Variants in PPP2R2C observed in about 807,000 individuals in gnomAD.
PPP2R2C encodes protein phosphatase 2 regulatory subunit Bgamma, also known as protein phosphatase 2, regulatory subunit B, gamma.
PPP2R2C carries 10 observed loss-of-function variants against 45.3 expected under a neutral mutation model. The ratio of observed to expected loss-of-function variants is 0.22; its 90% CI spans 0.14 to 0.37. PPP2R2C has a LOEUF of 0.37. Ranked by LOEUF, PPP2R2C falls within the 10% of genes least tolerant of loss-of-function variation. The probability of loss-of-function intolerance (pLI) is 1.00; values close to 1 mark genes in which losing one functional copy is unlikely to be tolerated. For synonymous variants in PPP2R2C, 257 were observed against 245.4 expected (o/e 1.05, Z -0.44); for missense variants, 308 against 619.7 (o/e 0.50, Z 5.34).
rs754747800 is a variant in PPP2R2C at position 6,323,507 on chromosome 4, T to C, written c.1139A>G (p.Glu380Gly). ...GAGCACAGCCCGGGGCTTGCTGCTTTCCCTCGAGGCCTCCAGGGTCACGTC... is the reference window on the plus strand; with the variant it reads ...GAGCACAGCCCGGGGCTTGCTGCTTCCCCTCGAGGCCTCCAGGGTCACGTC... ...KRDVTLEASR[E>G]SSKPRAVLKP... The change falls in exon 9 of 9, where the codon GAA becomes GGA. Residue 380 changes from glutamate (E) to glycine (G), a missense_variant. Transcript: ENST00000382599. 1 of 1,606,888 alleles carries C rather than the reference T, an allele frequency of 6.2e-7. No homozygotes were observed. Among genetic ancestry groups the C allele is most frequent in the South Asian group, 1.1e-5 (1 of 90,916 alleles).
In PPP2R2C at chr4:6,490,620, G is replaced by A. The variant is rs116504520; in HGVS notation, c.49+44651C>T. Among the ~76,000 whole-genome samples, 723 of 152,266 alleles carry A rather than the reference G, an allele frequency of 4.7e-3. 1 individual carries two copies. Among genetic ancestry groups the A allele is most frequent in the African/African-American group, 0.016 (679 of 41,558 alleles). Reference sequence around the variant, plus strand: ...GACAGAGGAATGGGGAAACATGACTGCAAACCACATCAGCCACATCCCCTA... The same window carrying A: ...GACAGAGGAATGGGGAAACATGACTACAAACCACATCAGCCACATCCCCTA... On this transcript the variant is annotated intron_variant, in intron 2 of 9. Transcript: ENST00000506140.
chr4:6,479,421 C>A, intron 2 of PPP2R2C, among the ~76,000 whole-genome samples: 1 of 150,670 alleles, frequency 6.6e-6, no homozygotes, highest in Non-Finnish European at 1.5e-5. Flanking sequence ...CCACCCCACC[C>A]ACAACCCAGG....
At chr4:6,518,922 T>TAAAAAAAAA (rs56002128) in intron 2 of PPP2R2C, among the ~76,000 whole-genome samples, 16 of 92,920 alleles carry the variant, frequency 1.7e-4, no homozygotes, top group African/African-American at 5.6e-4. Context: ...GACTCTGTCT[T>TAAAAAAAAA]AAAAAAAAAA....
chr4:6,326,087 C>A (rs1731917550), intron 8 of PPP2R2C, among the ~76,000 whole-genome samples: 1 of 152,236 alleles, frequency 6.6e-6, no homozygotes, highest in Admixed American at 6.5e-5. Flanking sequence ...TATCCCTGTC[C>A]ATGCTGATTG....
intron 6 of PPP2R2C, among the ~76,000 whole-genome samples, chr4:6,337,128 A>G (rs1287148623): frequency 0.045 from 2,229 of 49,194 alleles, 246 homozygotes; most frequent in African/African-American, 0.19. Context: ...ATATATATAT[A>G]TATATATATA....
chr4:6,470,811 C>T (rs1173236646), intron 1 of PPP2R2C, among the ~76,000 whole-genome samples: 1 of 152,098 alleles, frequency 6.6e-6, no homozygotes, highest in South Asian at 2.1e-4. Flanking sequence ...CCGGGCAGCC[C>T]TGCCCCTCTC....
At chr4:6,468,859 T>C (rs1721715193) in intron 1 of PPP2R2C, among the ~76,000 whole-genome samples, 1 of 151,786 alleles carries the variant, frequency 6.6e-6, no homozygotes, top group Admixed American at 6.6e-5. Flanking sequence ...CATATCCAGC[T>C]CTTGAGAAAT....
intron 2 of PPP2R2C, among the ~76,000 whole-genome samples, chr4:6,512,398 G>A (rs1577231597): frequency 8.1e-5 from 8 of 98,192 alleles, no homozygotes; most frequent in East Asian, 3.4e-4. Flanking sequence ...GATGGTGGTG[G>A]TGGTGATGGT....
At chr4:6,545,068 G>C (rs1159606958) in intron 1 of PPP2R2C, among the ~76,000 whole-genome samples, 2 of 152,120 alleles carry the variant, frequency 1.3e-5, no homozygotes, top group African/African-American at 4.8e-5. Context: ...TTCTCAAAGG[G>C]GTCCCCACAG....
At chr4:6,376,401 G>A (rs1195631659) in intron 3 of PPP2R2C, among the ~76,000 whole-genome samples, 2 of 151,416 alleles carry the variant, frequency 1.3e-5, no homozygotes, top group African/African-American at 4.9e-5. Context: ...AGTGTAGGGA[G>A]TGCTGAAAGA....
intron 2 of PPP2R2C, chr4:6,523,689 T>C (rs1724098721): frequency 6.6e-6 from 1 of 152,218 alleles, no homozygotes; most frequent in Non-Finnish European, 1.5e-5. Context: ...GGAATTATCC[T>C]GTGACCTACC....
intron 1 of PPP2R2C, among the ~76,000 whole-genome samples, chr4:6,469,111 A>T (rs1201306079): frequency 7.0e-6 from 1 of 142,804 alleles, no homozygotes; most frequent in East Asian, 2.0e-4. Context: ...AAAAAATCCA[A>T]CCTGCTCTGA....
At chr4:6,333,229 G>A (rs1051487855) in intron 7 of PPP2R2C, among the ~76,000 whole-genome samples, 1 of 152,150 alleles carries the variant, frequency 6.6e-6, no homozygotes, top group Non-Finnish European at 1.5e-5. Flanking sequence ...AGGGAGTGGG[G>A]AGGGAAGCCA....
chr4:6,547,575 G>A (rs1725029787), intron 1 of PPP2R2C, among the ~76,000 whole-genome samples: 1 of 151,924 alleles, frequency 6.6e-6, no homozygotes, highest in African/African-American at 2.4e-5. Context: ...AACGCTCTGC[G>A]GATTTCTGAT....
intron 1 of PPP2R2C, among the ~76,000 whole-genome samples, chr4:6,441,995 G>A (rs558814020): frequency 1.3e-5 from 2 of 152,338 alleles, no homozygotes; most frequent in African/African-American, 2.4e-5. Flanking sequence ...CTGACCACCT[G>A]GGTCAAGCCT....
chr4:6,360,611 G>A (rs990554805), intron 5 of PPP2R2C, among the ~76,000 whole-genome samples: 1 of 152,296 alleles, frequency 6.6e-6, no homozygotes, highest in Non-Finnish European at 1.5e-5. Flanking sequence ...CGCCGGATGC[G>A]GAGGTGCCCT....
At chr4:6,554,526 C>G (rs2108842421) in intron 1 of PPP2R2C, among the ~76,000 whole-genome samples, 1 of 152,292 alleles carries the variant, frequency 6.6e-6, no homozygotes, top group East Asian at 1.9e-4. Context: ...ACGGCTACAA[C>G]AAGATACCTT....
At chr4:6,479,490 A>C (rs1017169048) in intron 2 of PPP2R2C, among the ~76,000 whole-genome samples, 74 of 136,560 alleles carry the variant, frequency 5.4e-4, no homozygotes, top group African/African-American at 2.0e-3. Flanking sequence ...GCCAAGACCC[A>C]GCAAATGAAG....
chr4:6,435,082 ATTTT>A (rs901074263), intron 1 of PPP2R2C, among the ~76,000 whole-genome samples: 1 of 151,936 alleles, frequency 6.6e-6, no homozygotes, highest in African/African-American at 2.4e-5. Context: ...TGTGCCTTAA[ATTTT>A]TTTTATTTAA....
Sources: allele counts gnomAD v4.1 joint callset (sites outside exome capture counted in the v4.1 genomes callset), GRCh38; gene constraint gnomAD v4.1.1; transcripts MANE v1.5; gene names NCBI Gene and HGNC (gene_info 2026-07-23, HGNC 2026-07-21).